IQCK: variants seen among roughly 807,000 people sequenced by gnomAD.
The protein encoded by IQCK is IQ motif containing K.
Under a neutral mutation model 28.1 loss-of-function variants are expected in IQCK, and 29 were observed. The ratio of observed to expected loss-of-function variants is 1.03; its 90% CI spans 0.77 to 1.41. The LOEUF is 1.41. IQCK is among the 40% of genes most tolerant of loss of function. The pLI, the probability that IQCK is intolerant of heterozygous loss-of-function variation, is 0.00. For missense variants in IQCK, 359 were observed against 314.7 expected (o/e 1.14, Z -1.07); for synonymous variants, 113 against 115.1 (o/e 0.98, Z 0.12).
At chr16:19,746,515 A>G (rs1197775162) in intron 4 of IQCK, among the ~76,000 whole-genome samples, 3 of 152,184 alleles carry the variant, frequency 2.0e-5, no homozygotes, top group African/African-American at 4.8e-5. Context: ...AACATTTCCC[A>G]TTGTGACTCT....
chr16:19,835,170 G>A (rs1222849124), intron 9 of IQCK, among the ~76,000 whole-genome samples: 1 of 152,056 alleles, frequency 6.6e-6, no homozygotes, highest in South Asian at 2.1e-4. Flanking sequence ...GGAAGGCTGA[G>A]GCATGAGAAT....
At chr16:19,766,568 A>G (rs2055240937) in intron 6 of IQCK, among the ~76,000 whole-genome samples, 2 of 152,248 alleles carry the variant, frequency 1.3e-5, no homozygotes, top group Admixed American at 1.3e-4. Flanking sequence ...TATCCAATCC[A>G]GGTTGTCTCA....
chr16:19,731,256 G>T (rs1052150115), intron 2 of IQCK, among the ~76,000 whole-genome samples: 1 of 152,192 alleles, frequency 6.6e-6, no homozygotes, highest in South Asian at 2.1e-4. Flanking sequence ...AGAGGCCCTC[G>T]TGAAGTCTAC....
intron 1 of IQCK, 21 bp from the exon 2 acceptor site, chr16:19,730,408 AT>A (rs749236663): frequency 1.6e-5 from 25 of 1,565,266 alleles, no homozygotes; most frequent in Admixed American, 7.8e-5. Context: ...GGAATTGAGG[AT>A]TTTTTTTCCC....
In IQCK at chr16:19,718,484, A is replaced by T. The variant is rs1430505129; in HGVS notation, c.178A>T (p.Lys60Ter). ...CAAGAATCTGTGGGAGCAGATCTGC[A>T]AGGGTAGGAAACCTGGGCTGGCCGA... Residue 60 changes from lysine to a stop codon, truncating the protein, a stop_gained, in exon 1 of 8, where the codon AAG becomes TAG. Transcript: ENST00000564186. LOFTEE classifies it high-confidence loss of function. The T allele has an allele frequency of 1.2e-6, 2 of 1,602,746 alleles. No individual in the cohort carries two copies. The highest frequency in any genetic ancestry group is 2.7e-5 in the African/African-American group (2 of 74,768).
At chr16:19,845,343 C>G (rs945248029) in intron 9 of IQCK, among the ~76,000 whole-genome samples, 15 of 152,232 alleles carry the variant, frequency 9.9e-5, no homozygotes, top group African/African-American at 2.9e-4. Context: ...CCAGTCTGAA[C>G]TGGCTAACAG....
At chr16:19,780,013 C>T (rs920761950) in intron 6 of IQCK, among the ~76,000 whole-genome samples, 8 of 137,268 alleles carry the variant, frequency 5.8e-5, no homozygotes, top group Non-Finnish European at 1.2e-4. Context: ...GCCACCGTGC[C>T]CAGCCTTATT....
At chr16:19,838,699 T>C (rs2056327262) in intron 9 of IQCK, among the ~76,000 whole-genome samples, 2 of 152,154 alleles carry the variant, frequency 1.3e-5, no homozygotes, top group Non-Finnish European at 2.9e-5. Flanking sequence ...ATTTCTAATC[T>C]TCACAGCAAA....
intron 9 of IQCK, among the ~76,000 whole-genome samples, chr16:19,849,854 G>A (rs941735677): frequency 2.0e-4 from 31 of 152,166 alleles, no homozygotes; most frequent in Non-Finnish European, 3.5e-4. Context: ...GTTTATATCT[G>A]TTAGGCTTCC....
chr16:19,849,762 G>GA (rs112665214), intron 9 of IQCK, among the ~76,000 whole-genome samples: 2,903 of 136,196 alleles, frequency 0.021, 57 homozygotes, highest in Admixed American at 0.047. Context: ...CCCTGTCTCT[G>GA]AAAAAAAAAA....
At chr16:19,785,602 G>GCC in intron 6 of IQCK, among the ~76,000 whole-genome samples, 1 of 152,184 alleles carries the variant, frequency 6.6e-6, no homozygotes. Context: ...CTGATTGCGG[G>GCC]CCGAGTCTTT....
At chr16:19,846,795 A>G (rs1490704565) in intron 9 of IQCK, among the ~76,000 whole-genome samples, 1 of 152,096 alleles carries the variant, frequency 6.6e-6, no homozygotes, top group African/African-American at 2.4e-5. Flanking sequence ...TTGTTCTTCT[A>G]GTTGGGGGCA....
intron 9 of IQCK, among the ~76,000 whole-genome samples, chr16:19,855,980 G>A (rs2056554563): frequency 6.6e-6 from 1 of 152,114 alleles, no homozygotes; most frequent in Non-Finnish European, 1.5e-5. Flanking sequence ...ACCCTGTATG[G>A]AGCTAACTTT....
chr16:19,718,597 C>A, intron 1 of IQCK, 110 bp downstream of exon 1: 1 of 1,033,372 alleles, frequency 9.7e-7, no homozygotes, highest in Non-Finnish European at 1.3e-6. Flanking sequence ...GGCCGCCGGG[C>A]AGCGGCTCCG....
At position 19,770,337 on chromosome 16, in the gene IQCK, G is replaced by A. The variant is rs1306596131; in HGVS notation, c.605+6225G>A. Among the ~76,000 whole-genome samples, 8 of 152,220 alleles carry A rather than the reference G, an allele frequency of 5.3e-5. No homozygotes were observed. In the South Asian group the frequency reaches 1.7e-3, roughly 32 times the overall value. On this transcript the variant is annotated intron_variant, in intron 6 of 7. Coordinates refer to ENST00000564186, the Ensembl canonical transcript of IQCK. ...AGGGGTGTGTTTATTTTCTATTGCT[G>A]CTGTTACAAAGCACCCCAGAACTGG...
chr16:19,781,342 G>A (rs1483515285), intron 6 of IQCK, among the ~76,000 whole-genome samples: 3 of 152,124 alleles, frequency 2.0e-5, no homozygotes, highest in Non-Finnish European at 4.4e-5. Flanking sequence ...ATCTGGACAC[G>A]TATGCAGCTT....
chr16:19,855,399 C>G (rs111571523), intron 9 of IQCK, among the ~76,000 whole-genome samples: 57 of 152,254 alleles, frequency 3.7e-4, no homozygotes, highest in South Asian at 2.3e-3. Flanking sequence ...CGAGACCAGC[C>G]TGGGCAACAT....
At chr16:19,820,244 T>A (rs567594591) in intron 7 of IQCK, among the ~76,000 whole-genome samples, 4 of 152,058 alleles carry the variant, frequency 2.6e-5, no homozygotes, top group Non-Finnish European at 5.9e-5. Context: ...CCAGGCGCAA[T>A]GGCTCAAGTC....
rs184144234 is a variant in IQCK, at chr16:19,810,652, T to C, written c.691-16374T>C. Among the ~76,000 whole-genome samples, 4 of 149,710 alleles carry C rather than the reference T, an allele frequency of 2.7e-5. No individual in the cohort carries two copies. In the Admixed American group the frequency reaches 2.7e-4, roughly 10 times the overall value. On this transcript the variant is annotated intron_variant, in intron 7 of 7. Transcript: ENST00000564186. ...ACATGGCGAAACCCTCTACTAAAAA[T>C]ACAAAAAGCTAGGCACAGTGGTGGG...
Sources: gnomAD v4.1 joint callset for allele counts (sites outside exome capture counted in the v4.1 genomes callset) on GRCh38, gnomAD v4.1.1 for gene constraint, MANE v1.5 for transcripts, NCBI Gene and HGNC (gene_info 2026-07-23, HGNC 2026-07-21) for gene names.